The following DENND1A variants were observed in gnomAD, a reference collection of about 807,000 sequenced individuals.
DENND1A encodes DENN domain-containing protein 1A.
Under a neutral mutation model 113.7 loss-of-function variants are expected in DENND1A, and 51 were observed. That is an observed-to-expected ratio of 0.45 (90% CI 0.36 to 0.57). DENND1A has a LOEUF of 0.57. Ranked by LOEUF, DENND1A falls within the 20% of genes least tolerant of loss-of-function variation. DENND1A has a pLI of 0.00. For synonymous variants in DENND1A, 565 were observed against 570.8 expected, an observed-to-expected ratio of 0.99 and a Z score of 0.14; for missense variants, 1,258 against 1,395.9, an observed-to-expected ratio of 0.90 and a Z score of 1.57.
intron 13 of DENND1A, among the ~76,000 whole-genome samples, chr9:123,482,695 A>G (rs1251120226): frequency 6.6e-6 from 1 of 152,250 alleles, no homozygotes; most frequent in Non-Finnish European, 1.5e-5. Context: ...ATGGCCTTGA[A>G]GCAGAGGTTC....
chr9:123,835,750 G>C (rs1017841738), intron 2 of DENND1A, among the ~76,000 whole-genome samples: 1 of 151,426 alleles, frequency 6.6e-6, no homozygotes, highest in Non-Finnish European at 1.5e-5. Context: ...CGTTCACTCC[G>C]ATAGAAAAAA....
intron 13 of DENND1A, among the ~76,000 whole-genome samples, chr9:123,539,005 T>C (rs1032300153): frequency 6.6e-6 from 1 of 151,254 alleles, no homozygotes; most frequent in Non-Finnish European, 1.5e-5. Context: ...TAACACTGAG[T>C]AAATATTAAA....
intron 11 of DENND1A, among the ~76,000 whole-genome samples, chr9:123,589,663 A>C (rs1381920517): frequency 3.3e-5 from 5 of 151,600 alleles, no homozygotes; most frequent in Non-Finnish European, 5.9e-5. Flanking sequence ...AAAAAAAAAA[A>C]AAAAAAAAAA....
intron 13 of DENND1A, among the ~76,000 whole-genome samples, chr9:123,530,911 T>C (rs549416418): frequency 2.9e-4 from 44 of 152,306 alleles, no homozygotes; most frequent in South Asian, 1.0e-3. Flanking sequence ...TATGTAAATG[T>C]GGTCTTTTTC....
intron 2 of DENND1A, among the ~76,000 whole-genome samples, chr9:123,859,713 A>G (rs187273280): frequency 2.6e-3 from 393 of 152,318 alleles, no homozygotes; most frequent in Non-Finnish European, 4.6e-3. Context: ...CAAAGCCATC[A>G]TCATTAGATT....
At chr9:123,477,934 T>C (rs1315330938) in intron 13 of DENND1A, among the ~76,000 whole-genome samples, 6 of 152,142 alleles carry the variant, frequency 3.9e-5, no homozygotes, top group Non-Finnish European at 1.5e-5. Flanking sequence ...ATTGAGATGA[T>C]GGCTCCACGT....
chr9:123,391,357 G>T (rs1891641), intron 21 of DENND1A, among the ~76,000 whole-genome samples: 3 of 152,108 alleles, frequency 2.0e-5, no homozygotes, highest in Non-Finnish European at 4.4e-5. Context: ...CATGGATGGC[G>T]ATACTTACAA....
intron 2 of DENND1A, among the ~76,000 whole-genome samples, chr9:123,805,558 C>G (rs1298546221): frequency 6.6e-6 from 1 of 151,746 alleles, no homozygotes; most frequent in South Asian, 2.1e-4. Context: ...CTTAGCCTCC[C>G]GAGTAGTTGG....
At chr9:123,923,715 C>T (rs1054285731) in intron 1 of DENND1A, among the ~76,000 whole-genome samples, 4 of 152,140 alleles carry the variant, frequency 2.6e-5, no homozygotes, top group African/African-American at 4.8e-5. Context: ...CTCCATTCTC[C>T]AAATCTCCCC....
intron 19 of DENND1A, among the ~76,000 whole-genome samples, chr9:123,423,756 C>T (rs1031725611): frequency 1.3e-5 from 2 of 152,162 alleles, no homozygotes; most frequent in Non-Finnish European, 2.9e-5. Flanking sequence ...CACCAAGATA[C>T]ACGCTACTGT....
intron 5 of DENND1A, among the ~76,000 whole-genome samples, chr9:123,715,208 T>C (rs996224195): frequency 6.6e-6 from 1 of 151,958 alleles, no homozygotes; most frequent in Non-Finnish European, 1.5e-5. Flanking sequence ...TAATAAAAAA[T>C]AAATGTTTTG....
At chr9:123,919,341 G>A (rs1007520852) in intron 1 of DENND1A, among the ~76,000 whole-genome samples, 3 of 151,488 alleles carry the variant, frequency 2.0e-5, no homozygotes, top group East Asian at 1.9e-4. Context: ...GCATGGTGGC[G>A]CACACCTGTA....
In DENND1A at chr9:123,422,251, G is replaced by A. The variant is rs985053644; in HGVS notation, c.1489-10422C>T. Among the ~76,000 whole-genome samples the A allele has an allele frequency of 2.0e-5, 3 of 152,162 alleles. No homozygotes were observed. The highest frequency in any genetic ancestry group is 7.2e-5 in the African/African-American group (3 of 41,444). ...CCAGCATCTGAATAATGCCAGACCC[G>A]CCAGTCATTGTCCCCATGATTTGAG... On this transcript the variant is annotated intron_variant, in intron 19 of 23. Transcript: ENST00000394215. The surrounding 1 kb of genome is among the most constrained non-coding windows in gnomAD (Gnocchi z 4.8).
Position 123,381,614 on chromosome 9 carries a change from G to T in DENND1A, c.3031C>A (p.Leu1011Met). The change falls in exon 24 of 24, where the codon CTG becomes ATG. Residue 1011 changes from leucine (L) to methionine (M), a missense_variant. By Grantham distance (15) the Leu-to-Met change is conservative. This residue lies in a region of DENND1A where 1,159 missense variants were observed against 1,231.7 expected (regional missense o/e 0.94). Transcript: ENST00000394215. This position sits in a 1 kb window ranked among gnomAD's most constrained non-coding sequence, Gnocchi z 4.7. ...LALRPGDPPL[L>M]PPRPPQGLEP... ...AGGCCTTGAGGGGGCCTGGGAGGCA[G>T]AAGCGGGGGGTCTCCAGGCCTCAGG... The T allele has an allele frequency of 6.2e-7, 1 of 1,612,812 alleles. No individual in the cohort carries two copies. Among genetic ancestry groups the T allele is most frequent in the Non-Finnish European group, 8.5e-7 (1 of 1,179,724 alleles).
intron 13 of DENND1A, among the ~76,000 whole-genome samples, chr9:123,486,155 C>T (rs1222030334): frequency 6.6e-6 from 1 of 152,142 alleles, no homozygotes; most frequent in Admixed American, 6.5e-5. Flanking sequence ...CTAATTTCCT[C>T]CTCTGTAAAA....
chr9:123,697,851 A>C (rs2065624979), intron 5 of DENND1A, among the ~76,000 whole-genome samples: 1 of 152,224 alleles, frequency 6.6e-6, no homozygotes, highest in African/African-American at 2.4e-5. Context: ...ATGGTACATA[A>C]GCCTTTAACA....
intron 12 of DENND1A, among the ~76,000 whole-genome samples, chr9:123,578,986 C>T (rs2058756258): frequency 6.6e-6 from 1 of 152,084 alleles, no homozygotes; most frequent in South Asian, 2.1e-4. Flanking sequence ...AGTTATGAAA[C>T]AACATGTAAA....
chr9:123,393,607 G>A (rs1394297102), intron 21 of DENND1A, among the ~76,000 whole-genome samples: 6 of 151,936 alleles, frequency 3.9e-5, no homozygotes, highest in Admixed American at 6.6e-5. Context: ...AGTGGCACAC[G>A]CCCCATAGAA....
rs1310719051 is a variant in DENND1A, at chr9:123,414,704, A to C, written c.1489-2875T>G. ...ATTTCCCAAGTTTATTTGAACATAGACTTGCTTTCCCTATACCACCCATGA... is the reference window on the plus strand; with the variant it reads ...ATTTCCCAAGTTTATTTGAACATAGCCTTGCTTTCCCTATACCACCCATGA... On this transcript the variant is annotated intron_variant, in intron 19 of 23. Coordinates refer to ENST00000394215, the MANE Select transcript of DENND1A (RefSeq NM_001352964.2). 2.9e-6 allele frequency: 4 copies of C among 1,378,466 alleles called. No individual in the cohort carries two copies. The African/African-American group carries it at 5.8e-5, about 20-fold the overall frequency. The allele number at this position is 1,378,466 out of a possible 1,614,324, so 85.4% of individuals were successfully genotyped here. A position where few individuals can be genotyped will look rare whatever the true frequency, so the allele number is the denominator to read the frequency against.
Sources: allele counts gnomAD v4.1 joint callset (sites outside exome capture counted in the v4.1 genomes callset), GRCh38; gene constraint gnomAD v4.1.1; regional missense constraint gnomAD v4.1.1; non-coding constraint Gnocchi (gnomAD v3.1); transcripts MANE v1.5; gene names NCBI Gene and HGNC (gene_info 2026-07-23, HGNC 2026-07-21).